GP6: variants seen among roughly 807,000 people sequenced by gnomAD.
The protein encoded by GP6 is platelet glycoprotein VI.
A neutral mutation model predicts 37.3 loss-of-function variants in GP6; 45 were observed. The ratio of observed to expected loss-of-function variants is 1.21; its 90% CI spans 0.95 to 1.55. The LOEUF (loss-of-function observed/expected upper bound fraction) is 1.55, where lower values mean the gene tolerates loss of function less well. Ranked by LOEUF, GP6 falls within the 40% of genes most tolerant of loss-of-function variation. GP6 has a pLI of 0.00. For synonymous variants in GP6, 340 were observed against 316.4 expected (o/e 1.07, Z -0.79); for missense variants, 813 against 760.2 (o/e 1.07, Z -0.82).
intron 1 of GP6, among the ~76,000 whole-genome samples, chr19:55,035,585 C>A (rs1173374982): frequency 3.9e-5 from 6 of 151,948 alleles, no homozygotes; most frequent in African/African-American, 1.4e-4. Context: ...GGCGTAGTGG[C>A]AGGAGCCTGT....
intron 1 of GP6, among the ~76,000 whole-genome samples, 163 bp downstream of exon 1, chr19:55,038,040 C>T (rs1233488199): frequency 6.6e-6 from 1 of 152,162 alleles, no homozygotes; most frequent in Admixed American, 6.5e-5. Flanking sequence ...ATGCAAAATG[C>T]CAGCTCGCTG....
At chr19:55,022,492 T>C (rs2074121292) in intron 5 of GP6, among the ~76,000 whole-genome samples, 1 of 152,154 alleles carries the variant, frequency 6.6e-6, no homozygotes, top group African/African-American at 2.4e-5. Context: ...CAACATAGTA[T>C]TGGAAGTTCT....
Position 55,014,958 on chromosome 19 carries a change from C to T in GP6, c.987G>A (p.Arg329=). The T allele has an allele frequency of 6.2e-7, 1 of 1,613,678 alleles. No individual in the cohort carries two copies. Among genetic ancestry groups the T allele is most frequent in the African/African-American group, 1.3e-5 (1 of 75,050 alleles). The change falls in exon 8 of 8, where the codon AGG becomes AGA. Residue 329 remains arginine, a synonymous_variant. Transcript: ENST00000310373. ...CCCGCGGCTGTGAACATCCTGTCGG[C>T]CTCCATCCTGACCCCCGTTTGATTT... is the stretch of plus-strand genomic sequence containing the variant.
At position 55,032,396 on chromosome 19, in the gene GP6, C is replaced by A. The variant is rs761244764; in HGVS notation, c.68G>T (p.Gly23Val). Reference sequence around the variant, plus strand: ...CTGGAGGGAGGGCTTGGGGAGCGGTCCTGGAAGAGGAGCAGGGCTGGGTCA... The same window carrying A: ...CTGGAGGGAGGGCTTGGGGAGCGGTACTGGAAGAGGAGCAGGGCTGGGTCA... Residue 23 changes from glycine to valine, a missense_variant and splice_region_variant, in exon 3 of 8, where the codon GGA becomes GTA. Gly to Val is a moderately radical substitution (Grantham distance 109, BLOSUM62 -3). Coordinates refer to ENST00000310373, the MANE Select transcript of GP6 (RefSeq NM_001083899.2). The A allele has an allele frequency of 6.2e-7, 1 of 1,612,636 alleles. No individual in the cohort carries two copies. Among genetic ancestry groups the A allele is most frequent in the Non-Finnish European group, 8.5e-7 (1 of 1,179,340 alleles).
At chr19:55,027,982 C>T in intron 3 of GP6, 120 bp from the exon 4 acceptor site, 5 of 937,912 alleles carry the variant, frequency 5.3e-6, no homozygotes, top group Admixed American at 3.5e-5. Context: ...TCCCAGAGAG[C>T]GCACTCCCCC....
intron 5 of GP6, among the ~76,000 whole-genome samples, chr19:55,020,023 C>T (rs565968881): frequency 1.3e-5 from 2 of 152,136 alleles, no homozygotes; most frequent in East Asian, 1.9e-4. Context: ...CCAAAATATT[C>T]CTGAACTGCC....
intron 6 of GP6, among the ~76,000 whole-genome samples, chr19:55,016,140 C>CA (rs1274410402): frequency 0.025 from 3,358 of 131,796 alleles, 117 homozygotes; most frequent in African/African-American, 0.086. Context: ...AGACCCTGTC[C>CA]AAAAAAAAAA....
chr19:55,026,715 G>A lies in GP6; in HGVS notation c.610+863C>T, dbSNP rs150093787. On this transcript the variant is annotated intron_variant, in intron 4 of 7. Transcript: ENST00000310373. The stretch of plus-strand genomic sequence containing the variant: ...AGCCTGACCAACATAGTGAAACCCC[G>A]TCTCTACTAAAAATACAAAAATTGG... 7.4e-3 allele frequency among the ~76,000 whole-genome samples: 1,129 copies of A among 152,038 alleles called. 14 individuals carry two copies. The highest frequency in any genetic ancestry group is 0.026 in the African/African-American group (1,089 of 41,446).
chr19:55,018,249 G>A (rs969989052), intron 6 of GP6, among the ~76,000 whole-genome samples: 4 of 152,164 alleles, frequency 2.6e-5, no homozygotes, highest in African/African-American at 9.7e-5. Context: ...ATCTGCAGAG[G>A]CCTGGAGCGG....
intron 6 of GP6, among the ~76,000 whole-genome samples, chr19:55,017,268 C>T (rs550739950): frequency 2.6e-5 from 4 of 152,008 alleles, no homozygotes. Context: ...AGGTGCCCAC[C>T]ACCACGCCCG....
At chr19:55,021,520 G>GTTTT (rs1555797168) in intron 5 of GP6, among the ~76,000 whole-genome samples, 4 of 126,242 alleles carry the variant, frequency 3.2e-5, no homozygotes, top group Non-Finnish European at 4.8e-5. Context: ...ACTTTTGTTG[G>GTTTT]TTTTTTTTTT....
At chr19:55,029,447 G>A (rs756760552) in intron 3 of GP6, among the ~76,000 whole-genome samples, 87 of 135,278 alleles carry the variant, frequency 6.4e-4, no homozygotes, top group Non-Finnish European at 1.1e-3. Flanking sequence ...CTGGAGTGCA[G>A]TGGCATGATC....
chr19:55,018,076 A>AAAAAAAT (rs139770394), intron 6 of GP6, among the ~76,000 whole-genome samples: 7 of 151,386 alleles, frequency 4.6e-5, no homozygotes, highest in African/African-American at 1.5e-4. Context: ...TCAAAAAAAT[A>AAAAAAAT]AAAAATAGAA....
chr19:55,034,009 T>C (rs1469182752), intron 1 of GP6, among the ~76,000 whole-genome samples: 2 of 152,106 alleles, frequency 1.3e-5, no homozygotes, highest in Non-Finnish European at 2.9e-5. Flanking sequence ...ATGGGTGTGC[T>C]ACTTACCCTG....
chr19:55,025,514 T>C (rs1213715217), intron 4 of GP6, among the ~76,000 whole-genome samples: 1 of 152,084 alleles, frequency 6.6e-6, no homozygotes, highest in African/African-American at 2.4e-5. Flanking sequence ...AAGCCCAGCC[T>C]GGCCAGTATG....
intron 5 of GP6, among the ~76,000 whole-genome samples, chr19:55,020,461 A>G (rs2074038354): frequency 6.6e-6 from 1 of 152,078 alleles, no homozygotes; most frequent in African/African-American, 2.4e-5. Flanking sequence ...ACAAGTGAGA[A>G]CATGCAGTGT....
chr19:55,031,483 T>G lies in GP6; in HGVS notation c.325+656A>C, dbSNP rs1622296. Among the ~76,000 whole-genome samples, 704 of 152,210 alleles carry G rather than the reference T, an allele frequency of 4.6e-3. 8 individuals carry two copies. Among genetic ancestry groups the G allele is most frequent in the African/African-American group, 0.016 (674 of 41,534 alleles). ...AGTGCATTAAAACACAGATAAAGGG[T>G]TGCCTGTTTTTCGTTTTGGCACAGA... On this transcript the variant is annotated intron_variant, in intron 3 of 7. Coordinates refer to ENST00000310373, the MANE Select transcript of GP6 (RefSeq NM_001083899.2).
At chr19:55,031,564 G>T (rs921556878) in intron 3 of GP6, among the ~76,000 whole-genome samples, 6 of 152,184 alleles carry the variant, frequency 3.9e-5, no homozygotes, top group African/African-American at 9.6e-5. Context: ...TGAAATTCTG[G>T]TTTTTTTCAT....
chr19:55,015,874 A>T, intron 6 of GP6, 141 bp from the exon 7 acceptor site: 1 of 704,448 alleles, frequency 1.4e-6, no homozygotes, highest in Non-Finnish European at 2.6e-6. Context: ...ACGGTGCCTC[A>T]TGCCTATAAT....
Sources: gnomAD v4.1 joint callset for allele counts (sites outside exome capture counted in the v4.1 genomes callset) on GRCh38, gnomAD v4.1.1 for gene constraint, MANE v1.5 for transcripts, NCBI Gene and HGNC (gene_info 2026-07-23, HGNC 2026-07-21) for gene names.